Variants in ANO9 observed in about 807,000 individuals in gnomAD.
ANO9 encodes the protein anoctamin 9.
A neutral mutation model predicts 100.5 loss-of-function variants in ANO9; 80 were observed. The observed-to-expected ratio is 0.80, with a 90% CI of 0.66 to 0.96. ANO9 has a LOEUF of 0.96. Ranked by LOEUF, ANO9 falls within the 40% of genes least tolerant of loss-of-function variation. The probability of loss-of-function intolerance (pLI) is 0.00; values close to 1 mark genes in which losing one functional copy is unlikely to be tolerated. For synonymous variants in ANO9, 473 were observed against 435.6 expected (o/e 1.09, Z -1.07); for missense variants, 1,064 against 1,072.7 (o/e 0.99, Z 0.11).
rs1358144959 is a variant in ANO9, at chr11:420,484, G to C, written c.1765C>G (p.Pro589Ala). The stretch of plus-strand genomic sequence containing the variant: ...TGACCGATGTCCTTGGCCTTGCGCG[G>C]CACCAGGCGCCGCTGCAACCAGACC... Reference protein sequence around the residue: ...KMVWLQRRLVPRKAKDIGTWL... With the variant: ...KMVWLQRRLVARKAKDIGTWL... The change falls in exon 19 of 23, where the codon CCG (proline) becomes GCG (alanine). Residue 589 changes from proline to alanine, a missense_variant. Physicochemically the swap from Pro to Ala is conservative, Grantham distance 27. Coordinates refer to ENST00000332826, the MANE Select transcript of ANO9 (RefSeq NM_001012302.3). 1.9e-6 allele frequency: 3 copies of C among 1,603,136 alleles called. No individual in the cohort carries two copies. Among genetic ancestry groups the C allele is most frequent in the Non-Finnish European group, 2.5e-6 (3 of 1,179,448 alleles).
intron 1 of ANO9, among the ~76,000 whole-genome samples, chr11:437,045 C>G (rs79745185): frequency 1.8e-5 from 1 of 56,600 alleles, no homozygotes; most frequent in African/African-American, 8.4e-5. Flanking sequence ...GCGGGGGGTG[C>G]GTGGGGGGTG....
chr11:435,809 G>T (rs1849476726), intron 1 of ANO9, among the ~76,000 whole-genome samples: 1 of 148,242 alleles, frequency 6.7e-6, no homozygotes, highest in Non-Finnish European at 1.5e-5. Flanking sequence ...GGATAGCATA[G>T]TATAGCATAG....
rs201008776 is a variant in ANO9, at chr11:428,176, G to A, written c.1246C>T (p.Arg416Ter). The A allele has an allele frequency of 2.4e-5, 38 of 1,611,802 alleles. No homozygotes were observed. The highest frequency in any genetic ancestry group is 3.1e-5 in the Non-Finnish European group (36 of 1,179,694). ...AAGCGGATGGTGAACCTGCTCTCTC[G>A]CTCCGAGAAGGTCCTGGGCATCTCT... ...DFEMPRTFSE[R>*]ESRFTIRFFT... Residue 416 changes from arginine (R) to a stop codon, truncating the protein, a stop_gained, in exon 15 of 23, where the codon CGA becomes TGA. Transcript: ENST00000332826. LOFTEE classifies it high-confidence loss of function.
chr11:438,623 G>A (rs1028162466), intron 1 of ANO9, among the ~76,000 whole-genome samples: 26 of 150,276 alleles, frequency 1.7e-4, no homozygotes, highest in South Asian at 2.1e-4. Flanking sequence ...CACACCCACC[G>A]GCCCATCCCC....
In ANO9 at chr11:418,794, G is replaced by A. The variant is rs1395482097; in HGVS notation, c.2056C>T (p.Pro686Ser). The A allele has an allele frequency of 1.2e-6, 2 of 1,613,232 alleles. No individual in the cohort carries two copies. Among genetic ancestry groups the A allele is most frequent in the East Asian group, 2.2e-5 (1 of 44,904 alleles). Residue 686 changes from proline (P) to serine (S), a missense_variant, in exon 22 of 23, where the codon CCC (proline) becomes TCC (serine). Pro to Ser is a moderately conservative substitution (Grantham distance 74). Coordinates refer to ENST00000332826, the MANE Select transcript of ANO9 (RefSeq NM_001012302.3). ...TLCRYRDYRNPPDYNFSEQFW... is the reference protein window; with the variant it reads ...TLCRYRDYRNSPDYNFSEQFW... ...TGCTCGGAGAAGTTGTAATCGGGGGGATTGCGGTAGTCCCTGTATCTGGGG... is the reference window on the plus strand; with the variant it reads ...TGCTCGGAGAAGTTGTAATCGGGGGAATTGCGGTAGTCCCTGTATCTGGGG...
intron 1 of ANO9, among the ~76,000 whole-genome samples, chr11:438,249 G>T (rs887458426): frequency 1.3e-5 from 2 of 152,054 alleles, no homozygotes; most frequent in African/African-American, 4.8e-5. Context: ...CACACCTGGG[G>T]CGTGCCAGCC....
At chr11:441,685 G>C (rs1402097104) in intron 1 of ANO9, among the ~76,000 whole-genome samples, 1 of 152,152 alleles carries the variant, frequency 6.6e-6, no homozygotes, top group Non-Finnish European at 1.5e-5. Flanking sequence ...CCGGGCTGGA[G>C]GGAGGAACGC....
chr11:430,050 G>T (rs756832091), intron 9 of ANO9, 33 bp downstream of exon 9: 32 of 1,541,910 alleles, frequency 2.1e-5, no homozygotes, highest in Non-Finnish European at 2.7e-5. Flanking sequence ...CCCATCTTCC[G>T]CAGGCCCTGG....
chr11:428,089 T>G lies in ANO9; in HGVS notation c.1333A>C (p.Arg445=). 1 of 1,601,696 alleles carries G rather than the reference T, an allele frequency of 6.2e-7. No homozygotes were observed. The highest frequency in any genetic ancestry group is 2.3e-5 in the East Asian group (1 of 44,320). Reference sequence around the variant, plus strand: ...GAGGGAGCCTGGCGCCGGCCCTACCTGCCCAGGATGAAGGCGATGTAGATG... The same window carrying G: ...GAGGGAGCCTGGCGCCGGCCCTACCGGCCCAGGATGAAGGCGATGTAGATG... ...SLIYIAFILG[R]INGHPGKSTR... is the part of the protein sequence containing the mutation. Residue 445 remains arginine, a splice_region_variant and synonymous_variant, in exon 15 of 23, where the codon AGG becomes CGG. Transcript: ENST00000332826.
chr11:420,676 G>T (rs769392812), intron 18 of ANO9, 42 bp downstream of exon 18: 7 of 1,598,416 alleles, frequency 4.4e-6, no homozygotes, highest in Non-Finnish European at 5.1e-6. Flanking sequence ...CCCCCGCCCC[G>T]CATTCGTCTC....
intron 15 of ANO9, among the ~76,000 whole-genome samples, 198 bp downstream of exon 15, chr11:427,890 C>G (rs537005148): frequency 1.3e-5 from 2 of 150,814 alleles, no homozygotes; most frequent in East Asian, 3.9e-4. Flanking sequence ...GGCCACCAGA[C>G]TGTCTTGATG....
chr11:439,886 C>T (rs940792870), intron 1 of ANO9, among the ~76,000 whole-genome samples: 1 of 152,202 alleles, frequency 6.6e-6, no homozygotes, highest in African/African-American at 2.4e-5. Context: ...TCCGTGTGCC[C>T]GTCCATCCCC....
intron 15 of ANO9, among the ~76,000 whole-genome samples, 169 bp downstream of exon 15, chr11:427,919 T>C (rs1359397719): frequency 6.7e-6 from 1 of 150,208 alleles, no homozygotes; most frequent in African/African-American, 2.5e-5. Context: ...GGGCCCGGGA[T>C]TCAGGAGCTG....
intron 15 of ANO9, among the ~76,000 whole-genome samples, chr11:425,717 G>GTTTT (rs145087632): frequency 2.0e-5 from 3 of 148,622 alleles, no homozygotes; most frequent in Non-Finnish European, 3.0e-5. Context: ...TTTGTTTTTT[G>GTTTT]TTTTTTGTTT....
chr11:420,929 G>T lies in ANO9; in HGVS notation c.1490+16C>A. On this transcript the variant is annotated intron_variant, in intron 17 of 22. Coordinates refer to ENST00000332826, the MANE Select transcript of ANO9 (RefSeq NM_001012302.3). ...GGGCCTGGGGCTCCCGGGGCTGGGCGGGGGTCGGCACTCACGGGACCAGGT... is the reference window on the plus strand; with the variant it reads ...GGGCCTGGGGCTCCCGGGGCTGGGCTGGGGTCGGCACTCACGGGACCAGGT... 2 of 1,600,464 alleles carry T rather than the reference G, an allele frequency of 1.2e-6. No homozygotes were observed. Among genetic ancestry groups the T allele is most frequent in the Non-Finnish European group, 1.7e-6 (2 of 1,172,642 alleles).
Position 428,571 on chromosome 11 carries a change from G to C in ANO9, c.1089C>G (p.Ser363Arg). ...CCTCCAGGAAGGGCACGGCCGAGCT[G>C]CTGAAGAGCGCGGAGGCCAGGACGC... ...VYRVLASALF[S>R]SSAVPFLEEQ... is the part of the protein sequence containing the mutation. Residue 363 changes from serine (S) to arginine (R), a missense_variant, in exon 13 of 23, where the codon AGC becomes AGG. Coordinates refer to ENST00000332826, the MANE Select transcript of ANO9 (RefSeq NM_001012302.3). The C allele has an allele frequency of 6.2e-7, 1 of 1,612,674 alleles. No homozygotes were observed.
rs909965013 is a variant in ANO9 at position 441,840 on chromosome 11, G to A, written c.6+81C>T. The A allele has an allele frequency of 5.4e-5, 84 of 1,546,438 alleles. 1 individual carries two copies. In the African/African-American group the frequency reaches 7.5e-4, roughly 14 times the overall value. On this transcript the variant is annotated intron_variant, in intron 1 of 22. Transcript: ENST00000332826. ...CAGGCGCCTTCCAGGTGGGGCTGGCGGGGGGCTGGGGCCGGGGGCCCCAGG... is the reference window on the plus strand; with the variant it reads ...CAGGCGCCTTCCAGGTGGGGCTGGCAGGGGGCTGGGGCCGGGGGCCCCAGG...
chr11:423,236 G>A (rs1158080733), intron 15 of ANO9, among the ~76,000 whole-genome samples: 1 of 152,190 alleles, frequency 6.6e-6, no homozygotes, highest in Admixed American at 6.5e-5. Context: ...GTGATGGACA[G>A]CAGCTAGCCC....
At position 433,298 on chromosome 11, in the gene ANO9, G is replaced by A. The variant is rs1172751017; in HGVS notation, c.350+16C>T. 1 of 1,610,296 alleles carries A rather than the reference G, an allele frequency of 6.2e-7. No individual in the cohort carries two copies. The highest frequency in any genetic ancestry group is 8.5e-7 in the Non-Finnish European group (1 of 1,178,674). On this transcript the variant is annotated intron_variant, in intron 4 of 22. Coordinates refer to ENST00000332826, the MANE Select transcript of ANO9 (RefSeq NM_001012302.3). The stretch of plus-strand genomic sequence containing the variant: ...AAGGGGTTCTCCTGGCCACGGCTCT[G>A]GGTGCAGCCTCTCACCTCGTGGTGA...
Sources: gnomAD v4.1 joint callset for allele counts (sites outside exome capture counted in the v4.1 genomes callset) on GRCh38, gnomAD v4.1.1 for gene constraint, MANE v1.5 for transcripts, NCBI Gene and HGNC (gene_info 2026-07-23, HGNC 2026-07-21) for gene names.